SHTN1: variants seen among roughly 807,000 people sequenced by gnomAD.
SHTN1 encodes the protein shootin 1.
SHTN1 carries 42 observed loss-of-function variants against 83.1 expected under a neutral mutation model. The observed-to-expected ratio is 0.51, with a 90% CI of 0.39 to 0.65. SHTN1 has a LOEUF of 0.65. SHTN1 is among the 30% of genes least tolerant of loss of function. The pLI is 0.00. For missense variants in SHTN1, 622 were observed against 737.8 expected, an observed-to-expected ratio of 0.84 and a Z score of 1.82; for synonymous variants, 224 against 247.7, an observed-to-expected ratio of 0.90 and a Z score of 0.90.
At chr10:117,065,006 C>T (rs1852954789) in intron 1 of SHTN1, among the ~76,000 whole-genome samples, 1 of 152,188 alleles carries the variant, frequency 6.6e-6, no homozygotes, top group Non-Finnish European at 1.5e-5. Flanking sequence ...ATGCTTATCA[C>T]CTCACTTAAG....
chr10:116,997,996 G>C (rs1851684950), intron 1 of SHTN1, among the ~76,000 whole-genome samples: 1 of 152,154 alleles, frequency 6.6e-6, no homozygotes, highest in African/African-American at 2.4e-5. Flanking sequence ...GGAGGCAGAG[G>C]CAGGAGAATG....
intron 1 of SHTN1, among the ~76,000 whole-genome samples, chr10:117,125,441 C>G (rs921723548): frequency 3.9e-5 from 6 of 152,154 alleles, no homozygotes; most frequent in African/African-American, 9.7e-5. Flanking sequence ...TCCCAGACCT[C>G]GACACCAATC....
rs144193200 is a variant in SHTN1 at position 117,067,852 on chromosome 10, G to C, written c.-188-19342C>G. 1.6e-3 allele frequency among the ~76,000 whole-genome samples: 247 copies of C among 152,244 alleles called. 2 individuals are homozygous for C. Among genetic ancestry groups the C allele is most frequent in the African/African-American group, 5.7e-3 (237 of 41,552 alleles). ...TTGGATATGGGAAGTGGGTGAGATG[G>C]AAATATCAACAATAAACCTCAGGTT... On this transcript the variant is annotated intron_variant, in intron 1 of 17. Coordinates refer to the SHTN1 transcript ENST00000392901.
At chr10:116,929,823 C>T in intron 10 of SHTN1, 26 bp downstream of exon 10, 4 of 1,549,524 alleles carry the variant, frequency 2.6e-6, no homozygotes, top group African/African-American at 1.4e-5. Flanking sequence ...AATAGTAAGA[C>T]ATAGTAGCCT....
At chr10:117,012,549 CT>C (rs34280435) in intron 2 of SHTN1, among the ~76,000 whole-genome samples, 1 of 151,836 alleles carries the variant, frequency 6.6e-6, no homozygotes, top group Admixed American at 6.6e-5. Flanking sequence ...GACATCCTTT[CT>C]TTTTTTTATA....
intron 2 of SHTN1, among the ~76,000 whole-genome samples, chr10:116,971,637 GA>G (rs1264343589): frequency 6.6e-6 from 1 of 152,148 alleles, no homozygotes; most frequent in African/African-American, 2.4e-5. Context: ...GGCACAAAAA[GA>G]AACCTAGTTT....
At chr10:117,004,088 T>C (rs1429755418) in intron 1 of SHTN1, among the ~76,000 whole-genome samples, 1 of 151,976 alleles carries the variant, frequency 6.6e-6, no homozygotes, top group Non-Finnish European at 1.5e-5. Context: ...GGGTTCTCCA[T>C]GTTGGTTAGG....
chr10:117,079,118 C>T (rs1382910743), intron 1 of SHTN1, among the ~76,000 whole-genome samples: 2 of 151,418 alleles, frequency 1.3e-5, no homozygotes, highest in East Asian at 1.9e-4. Context: ...ATGTGCCATG[C>T]TGGTGTGCTG....
At chr10:117,050,359 G>T (rs10787745) in intron 1 of SHTN1, among the ~76,000 whole-genome samples, 98,891 of 151,994 alleles carry the variant, frequency 0.65, 35,993 homozygotes, top group Middle Eastern at 0.84. Flanking sequence ...ACAACTAATA[G>T]ATTAAAAAAG....
At chr10:116,941,823 T>C (rs1393013274) in intron 8 of SHTN1, among the ~76,000 whole-genome samples, 1 of 152,170 alleles carries the variant, frequency 6.6e-6, no homozygotes, top group Non-Finnish European at 1.5e-5. Flanking sequence ...GAATACAGTA[T>C]ACTAAAACAC....
At chr10:117,052,755 C>A (rs1852765294) in intron 1 of SHTN1, among the ~76,000 whole-genome samples, 1 of 151,710 alleles carries the variant, frequency 6.6e-6, no homozygotes, top group Non-Finnish European at 1.5e-5. Flanking sequence ...TGCGGTGGCT[C>A]ACGCCTCTAA....
intron 2 of SHTN1, among the ~76,000 whole-genome samples, chr10:117,025,735 G>C (rs974016690): frequency 1.1e-4 from 17 of 151,844 alleles, no homozygotes; most frequent in Non-Finnish European, 1.9e-4. Context: ...AGCCACAGTA[G>C]GTTGTGGCTC....
rs139474584 is a variant in SHTN1 at position 117,123,283 on chromosome 10, G to A, written c.-189+3024C>T. ...TCCCAATACGTGGGTTCTTTAAAAG[G>A]CAGGGGTTCTATCCCTTTCCACTCT... On this transcript the variant is annotated intron_variant, in intron 1 of 17. Coordinates refer to the SHTN1 transcript ENST00000392901. 2.1e-4 allele frequency among the ~76,000 whole-genome samples: 32 copies of A among 152,168 alleles called. No homozygotes were observed. The East Asian group carries it at 6.2e-3, about 29-fold the overall frequency.
At chr10:117,119,044 T>C (rs1036099068) in intron 1 of SHTN1, among the ~76,000 whole-genome samples, 3 of 152,210 alleles carry the variant, frequency 2.0e-5, no homozygotes, top group Non-Finnish European at 4.4e-5. Flanking sequence ...ATGGGTGGAA[T>C]TGATGGTCAT....
intron 1 of SHTN1, among the ~76,000 whole-genome samples, chr10:117,055,086 A>G (rs1564943780): frequency 6.6e-6 from 1 of 152,190 alleles, no homozygotes; most frequent in African/African-American, 2.4e-5. Flanking sequence ...CACGTCTTAC[A>G]TGGCAGCAGG....
intron 2 of SHTN1, among the ~76,000 whole-genome samples, chr10:116,978,815 A>C (rs755123834): frequency 2.0e-5 from 3 of 152,224 alleles, no homozygotes; most frequent in Non-Finnish European, 4.4e-5. Context: ...GAAGAAGCAG[A>C]CATATAAAGA....
chr10:117,058,492 T>C (rs574577448), intron 1 of SHTN1, among the ~76,000 whole-genome samples: 1 of 152,184 alleles, frequency 6.6e-6, no homozygotes, highest in African/African-American at 2.4e-5. Context: ...CTCACACCCA[T>C]TATGGTGGCT....
rs570640015 is a variant in SHTN1, at chr10:117,060,574, A to G, written c.-188-12064T>C. On this transcript the variant is annotated intron_variant, in intron 1 of 17. Coordinates refer to the SHTN1 transcript ENST00000392901. ...AAAGAATTAATAAACAGAGCAACTAAAATGTAATGTCTTTCCACCCTTGTT... is the reference window on the plus strand; with the variant it reads ...AAAGAATTAATAAACAGAGCAACTAGAATGTAATGTCTTTCCACCCTTGTT... 7.3e-4 allele frequency among the ~76,000 whole-genome samples: 111 copies of G among 152,332 alleles called. 2 individuals are homozygous for G. The South Asian group carries it at 0.022, about 30-fold the overall frequency.
At chr10:117,082,454 A>C (rs1000075221) in intron 1 of SHTN1, among the ~76,000 whole-genome samples, 156 of 150,764 alleles carry the variant, frequency 1.0e-3, no homozygotes, top group African/African-American at 3.2e-3. Flanking sequence ...CTTTACTTCC[A>C]AGTATGTGGT....
Sources: allele counts gnomAD v4.1 joint callset (sites outside exome capture counted in the v4.1 genomes callset), GRCh38; gene constraint gnomAD v4.1.1; transcripts MANE v1.5; gene names NCBI Gene and HGNC (gene_info 2026-07-23, HGNC 2026-07-21).